POLR1G: variants seen among roughly 807,000 people sequenced by gnomAD.
POLR1G encodes the protein DNA-directed RNA polymerase I subunit RPA34.
A neutral mutation model predicts 6.3 loss-of-function variants in POLR1G; 9 were observed. That is an observed-to-expected ratio of 1.44 (90% CI 0.87 to 2.51). POLR1G has a LOEUF of 2.51. Ranked by LOEUF, POLR1G falls within the 30% of genes most tolerant of loss-of-function variation. POLR1G has a pLI of 0.00. For synonymous variants in POLR1G, 248 were observed against 256.5 expected, an observed-to-expected ratio of 0.97 and a Z score of 0.32; for missense variants, 617 against 632.5, an observed-to-expected ratio of 0.98 and a Z score of 0.26.
chr19:45,406,979 A>G lies in POLR1G; in HGVS notation c.23-115A>G. 2.2e-6 allele frequency: 3 copies of G among 1,373,028 alleles called. No individual in the cohort carries two copies. Among genetic ancestry groups the G allele is most frequent in the Non-Finnish European group, 3.0e-6 (3 of 1,013,956 alleles). 85.1% of individuals were successfully genotyped at this position (1,373,028 alleles called of 1,614,324 possible). ...AACAGGTGGGCAGAAAGGAGAAACC[A>G]GGTTGAGGGGACTGGAGTGCTCACG... On this transcript the variant is annotated intron_variant, in intron 1 of 2. Coordinates refer to ENST00000309424, the MANE Select transcript of POLR1G (RefSeq NM_012099.3). This position sits in a 1 kb window ranked among gnomAD's most constrained non-coding sequence, Gnocchi z 4.2.
intron 2 of POLR1G, chr19:45,407,499 G>C (rs1363677830): frequency 2.7e-5 from 12 of 442,042 alleles, no homozygotes; most frequent in Non-Finnish European, 4.4e-5. Context: ...ACTAAAGGTA[G>C]GGGCTATTGG....
At chr19:45,407,369 C>A in intron 2 of POLR1G, 134 bp downstream of exon 2, 1 of 788,114 alleles carries the variant, frequency 1.3e-6, no homozygotes, top group East Asian at 2.8e-5. Flanking sequence ...GAAACTACTC[C>A]TTTACAGAGT....
rs1973379692 is a variant in POLR1G, at chr19:45,406,826, G to C, written c.22+108G>C. ...AGGCGTACCTGCAAGCAGGACTTGC[G>C]AAGAGCGTGCATTCCCAGTGGGCGA... On this transcript the variant is annotated intron_variant, in intron 1 of 2. Coordinates refer to ENST00000309424, the MANE Select transcript of POLR1G (RefSeq NM_012099.3). The surrounding 1 kb of genome is among the most constrained non-coding windows in gnomAD (Gnocchi z 4.2). 1 of 1,154,116 alleles carries C rather than the reference G, an allele frequency of 8.7e-7. No individual in the cohort carries two copies. The highest frequency in any genetic ancestry group is 1.2e-6 in the Non-Finnish European group (1 of 840,250). The allele number at this position is 1,154,116 out of a possible 1,614,324, so 71.5% of individuals were successfully genotyped here.
chr19:45,409,895 AT>A lies in POLR1G; in HGVS notation c.*408del, dbSNP rs57573120. ...TTTTTAAGTTATTATTATTATTATT[AT>A]TTTTTTTTTTTTTGAGATGGAGTCT... is the stretch of plus-strand genomic sequence containing the variant. On this transcript the variant is annotated 3_prime_UTR_variant, in exon 3 of 3. Coordinates refer to ENST00000309424, the MANE Select transcript of POLR1G (RefSeq NM_012099.3). 3,739 of 171,258 alleles carry A rather than the reference AT, an allele frequency of 0.022. 71 individuals are homozygous for A. The highest frequency in any genetic ancestry group is 0.056 in the African/African-American group (2,037 of 36,442). The allele number at this position is 171,258 out of a possible 1,614,324, so 10.6% of individuals were successfully genotyped here. A position where few individuals can be genotyped will look rare whatever the true frequency, so the allele number is the denominator to read the frequency against.
In POLR1G at chr19:45,409,093, G is replaced by C; in HGVS notation, c.1125G>C (p.Gln375His). 1 of 1,613,596 alleles carries C rather than the reference G, an allele frequency of 6.2e-7. No individual in the cohort carries two copies. Among genetic ancestry groups the C allele is most frequent in the Non-Finnish European group, 8.5e-7 (1 of 1,179,658 alleles). Reference protein sequence around the residue: ...APQQPEGAKPQAQAALAAPKK... With the variant: ...APQQPEGAKPHAQAALAAPKK... ...AACAGCCAGAAGGAGCGAAGCCTCA[G>C]GCCCAGGCAGCTCTGGCAGCTCCCA... The change falls in exon 3 of 3, where the codon CAG becomes CAC. Residue 375 changes from glutamine to histidine, a missense_variant. Transcript: ENST00000309424.
In POLR1G at chr19:45,408,857, G is replaced by C; in HGVS notation, c.889G>C (p.Glu297Gln). The C allele has an allele frequency of 6.2e-7, 1 of 1,614,206 alleles. No individual in the cohort carries two copies. The highest frequency in any genetic ancestry group is 1.1e-5 in the South Asian group (1 of 91,084). Residue 297 changes from glutamate (E) to glutamine (Q), a missense_variant, in exon 3 of 3, where the codon GAA (glutamate) becomes CAA (glutamine). Glu to Gln is a conservative substitution (Grantham distance 29). Transcript: ENST00000309424. ...AAAGAGAAAGAGGCAAAAGGGGACGGAAGGGATGGAGCCAGAGGAGGGGGT... is the reference window on the plus strand; with the variant it reads ...AAAGAGAAAGAGGCAAAAGGGGACGCAAGGGATGGAGCCAGAGGAGGGGGT... The part of the protein sequence containing the change: ...TKKRKRQKGT[E>Q]GMEPEEGVTV...
chr19:45,409,941 G>C lies in POLR1G; in HGVS notation c.*440G>C, dbSNP rs1490258399. On this transcript the variant is annotated 3_prime_UTR_variant, in exon 3 of 3. Transcript: ENST00000309424. ...GAGTCTCGCTCTGTCGCCCAGGTTG[G>C]AGTGCAGTGGCGCAATCTCGGCTCA... 1 of 193,340 alleles carries C rather than the reference G, an allele frequency of 5.2e-6. No homozygotes were observed. The highest frequency in any genetic ancestry group is 9.8e-6 in the Non-Finnish European group (1 of 101,894). The allele number at this position is 193,340 out of a possible 1,614,324, so 12.0% of individuals were successfully genotyped here. A position where few individuals can be genotyped will look rare whatever the true frequency, so the allele number is the denominator to read the frequency against.
In POLR1G at chr19:45,408,843, G is replaced by T; in HGVS notation, c.875G>T (p.Arg292Met). ...CTGTCCCCGACCAAAAAGAGAAAGA[G>T]GCAAAAGGGGACGGAAGGGATGGAG... is the stretch of plus-strand genomic sequence containing the variant. ...TVLSPTKKRK[R>M]QKGTEGMEPE... Residue 292 changes from arginine to methionine, a missense_variant, in exon 3 of 3, where the codon AGG becomes ATG. Arg to Met is a moderately conservative substitution (Grantham distance 91). Transcript: ENST00000309424. 1 of 1,614,136 alleles carries T rather than the reference G, an allele frequency of 6.2e-7. No individual in the cohort carries two copies. The highest frequency in any genetic ancestry group is 8.5e-7 in the Non-Finnish European group (1 of 1,180,042).
chr19:45,407,971 T>G (rs1973442941), intron 2 of POLR1G, 162 bp from the exon 3 acceptor site: 1 of 927,794 alleles, frequency 1.1e-6, no homozygotes, highest in South Asian at 2.5e-5. Flanking sequence ...GGAGAATCGC[T>G]TGAACCCAGG....
chr19:45,408,812 A>G lies in POLR1G; in HGVS notation c.844A>G (p.Thr282Ala), dbSNP rs3212989. The G allele has an allele frequency of 4.0e-3, 6,510 of 1,614,016 alleles. 167 individuals are homozygous for G. In the African/African-American group the frequency reaches 0.07, roughly 17 times the overall value. The change falls in exon 3 of 3, where the codon ACA (threonine) becomes GCA (alanine). Residue 282 changes from threonine (T) to alanine (A), a missense_variant. Coordinates refer to ENST00000309424, the MANE Select transcript of POLR1G (RefSeq NM_012099.3). ...EQINTEPLED[T>A]VLSPTKKRKR... ...GATTAACACTGAGCCTCTAGAAGAC[A>G]CAGTCCTGTCCCCGACCAAAAAGAG...
rs1171749886 is a variant in POLR1G at position 45,409,123 on chromosome 19, G to C, written c.1155G>C (p.Lys385Asn). Reference protein sequence around the residue: ...QAQAALAAPKKKTKKEKQQDA... With the variant: ...QAQAALAAPKNKTKKEKQQDA... ...AGGCAGCTCTGGCAGCTCCCAAAAA[G>C]AAGACGAAGAAAGAAAAACAGCAAG... The change falls in exon 3 of 3, where the codon AAG becomes AAC. Residue 385 changes from lysine (K) to asparagine (N), a missense_variant. Coordinates refer to ENST00000309424, the MANE Select transcript of POLR1G (RefSeq NM_012099.3). 1 of 1,613,192 alleles carries C rather than the reference G, an allele frequency of 6.2e-7. No individual in the cohort carries two copies. The highest frequency in any genetic ancestry group is 8.5e-7 in the Non-Finnish European group (1 of 1,179,396).
At position 45,408,902 on chromosome 19, in the gene POLR1G, C is replaced by T. The variant is rs748900769; in HGVS notation, c.934C>T (p.Gln312Ter). 6.2e-7 allele frequency: 1 copy of T among 1,613,922 alleles called. No homozygotes were observed. Among genetic ancestry groups the T allele is most frequent in the Non-Finnish European group, 8.5e-7 (1 of 1,179,994 alleles). Reference sequence around the variant, plus strand: ...GGGGGTGACAGTTGAGTCTCAGCCACAGGTGAAGGTGGAGCCACTGGAGGA... The same window carrying T: ...GGGGGTGACAGTTGAGTCTCAGCCATAGGTGAAGGTGGAGCCACTGGAGGA... ...EEGVTVESQP[Q>*]VKVEPLEEAI... The change falls in exon 3 of 3, where the codon CAG becomes TAG. Residue 312 changes from glutamine (Q) to a stop codon, truncating the protein, a stop_gained. Coordinates refer to ENST00000309424, the MANE Select transcript of POLR1G (RefSeq NM_012099.3). LOFTEE classifies it low-confidence loss of function (END_TRUNC).
At position 45,408,671 on chromosome 19, in the gene POLR1G, A is replaced by C; in HGVS notation, c.703A>C (p.Thr235Pro). Residue 235 changes from threonine to proline, a missense_variant, in exon 3 of 3, where the codon ACA becomes CCA. Physicochemically the swap from Thr to Pro is conservative, Grantham distance 38. Transcript: ENST00000309424. ...EAAGPVGTEPTVETLEPLGVL... is the reference protein window; with the variant it reads ...EAAGPVGTEPPVETLEPLGVL... ...AGCAGGGCCTGTGGGGACAGAGCCCACAGTGGAGACACTGGAGCCTCTGGG... is the reference window on the plus strand; with the variant it reads ...AGCAGGGCCTGTGGGGACAGAGCCCCCAGTGGAGACACTGGAGCCTCTGGG... 6.2e-7 allele frequency: 1 copy of C among 1,614,016 alleles called. No individual in the cohort carries two copies. Among genetic ancestry groups the C allele is most frequent in the Non-Finnish European group, 8.5e-7 (1 of 1,180,000 alleles).
Position 45,409,381 on chromosome 19 carries a change from G to A in POLR1G, c.1413G>A (p.Arg471=). 6.2e-7 allele frequency: 1 copy of A among 1,614,102 alleles called. No homozygotes were observed. The highest frequency in any genetic ancestry group is 1.1e-5 in the South Asian group (1 of 91,060). Residue 471 remains arginine (R), a synonymous_variant, in exon 3 of 3, where the codon CGG becomes CGA. Transcript: ENST00000309424. ...GGAAGAAGCAGAGTCAGGAAAGCCG[G>A]ATGCCAGAGACAGTGCCCCAAGAGG... The part of the protein sequence containing the change: ...KKRKKQSQES[R]MPETVPQEEM...
chr19:45,408,300 C>T lies in POLR1G; in HGVS notation c.332C>T (p.Pro111Leu). 1.9e-6 allele frequency: 3 copies of T among 1,613,072 alleles called. No homozygotes were observed. The highest frequency in any genetic ancestry group is 2.5e-6 in the Non-Finnish European group (3 of 1,179,400). Reference protein sequence around the residue: ...AGGGLTCASAPQGTLRILEGP... With the variant: ...AGGGLTCASALQGTLRILEGP... ...GGTGGACTCACCTGTGCCTCAGCCCCCCAGGGCACCCTAAGGATCCTTGAG... is the reference window on the plus strand; with the variant it reads ...GGTGGACTCACCTGTGCCTCAGCCCTCCAGGGCACCCTAAGGATCCTTGAG... Residue 111 changes from proline to leucine, a missense_variant, in exon 3 of 3, where the codon CCC becomes CTC. By Grantham distance (98) the Pro-to-Leu change is moderately conservative (BLOSUM62 -3). Coordinates refer to ENST00000309424, the MANE Select transcript of POLR1G (RefSeq NM_012099.3).
Position 45,408,072 on chromosome 19 carries a change from T to C in POLR1G, c.165-61T>C, listed in dbSNP as rs2013521. 72 of 1,490,426 alleles carry C rather than the reference T, an allele frequency of 4.8e-5. No homozygotes were observed. The East Asian group carries it at 4.9e-4, about 10-fold the overall frequency. The allele number at this position is 1,490,426 out of a possible 1,614,324, so 92.3% of individuals were successfully genotyped here. ...CTCTCAAAAAAAAACAAAAAAAAAA[T>C]CAAAAAACCTTCCCTCTCCTGTTCC... On this transcript the variant is annotated intron_variant, in intron 2 of 2. Transcript: ENST00000309424.
rs1290890317 is a variant in POLR1G at position 45,409,724 on chromosome 19, G to A, written c.*223G>A. ...GTGCAGGACATCAAACAGCCTCCGG[G>A]CCTGGATGGGAGGGAGAAAAAAATG... On this transcript the variant is annotated 3_prime_UTR_variant, in exon 3 of 3. Coordinates refer to ENST00000309424, the MANE Select transcript of POLR1G (RefSeq NM_012099.3). 1.2e-6 allele frequency: 1 copy of A among 831,138 alleles called. No individual in the cohort carries two copies. The highest frequency in any genetic ancestry group is 2.1e-6 in the Non-Finnish European group (1 of 465,870). The allele number at this position is 831,138 out of a possible 1,614,324, so 51.5% of individuals were successfully genotyped here.
At chr19:45,407,367 T>C (rs1040234266) in intron 2 of POLR1G, 132 bp downstream of exon 2, 1 of 809,808 alleles carries the variant, frequency 1.2e-6, no homozygotes, top group Non-Finnish European at 1.9e-6. Flanking sequence ...TGGAAACTAC[T>C]CCTTTACAGA....
At chr19:45,407,944 C>A in intron 2 of POLR1G, 189 bp from the exon 3 acceptor site, 1 of 671,218 alleles carries the variant, frequency 1.5e-6, no homozygotes, top group Non-Finnish European at 2.2e-6. Context: ...ATCCCAGCTA[C>A]TTGAGAGGCT....
Sources: gnomAD v4.1 joint callset for allele counts on GRCh38, gnomAD v4.1.1 for gene constraint, Gnocchi (gnomAD v3.1) non-coding constraint, MANE v1.5 for transcripts, NCBI Gene and HGNC (gene_info 2026-07-23, HGNC 2026-07-21) for gene names.